ANKFN1: variants seen among roughly 807,000 people sequenced by gnomAD.
The protein encoded by ANKFN1 is ankyrin repeat and fibronectin type III domain containing 1.
In ANKFN1, 74 loss-of-function variants were observed where a neutral mutation model predicts 108.7. That is an observed-to-expected ratio of 0.68 (90% CI 0.56 to 0.83). ANKFN1 has a LOEUF of 0.83. Among genes scored for constraint, ANKFN1 ranks in the 40% least tolerant of loss-of-function variants. The pLI, the probability that ANKFN1 is intolerant of heterozygous loss-of-function variation, is 0.00. For missense variants in ANKFN1, 1,505 were observed against 1,382.3 expected, an observed-to-expected ratio of 1.09 and a Z score of -1.41; for synonymous variants, 547 against 516.2, an observed-to-expected ratio of 1.06 and a Z score of -0.81.
intron 8 of ANKFN1, among the ~76,000 whole-genome samples, chr17:56,377,219 C>G (rs1860972): frequency 0.75 from 113,914 of 152,092 alleles, 42,844 homozygotes; most frequent in East Asian, 0.96. Flanking sequence ...GGGTGTATTT[C>G]AAAGGAAATC....
intron 6 of ANKFN1, among the ~76,000 whole-genome samples, chr17:56,367,311 T>G (rs2046688493): frequency 6.6e-6 from 1 of 152,232 alleles, no homozygotes; most frequent in Admixed American, 6.5e-5. Flanking sequence ...AAGGGCAAAG[T>G]TAAGAAACTG....
At position 56,319,803 on chromosome 17, in the gene ANKFN1, C is replaced by A. The variant is rs184105337; in HGVS notation, c.54-6418C>A. Among the ~76,000 whole-genome samples the A allele has an allele frequency of 7.2e-5, 11 of 152,252 alleles. No individual in the cohort carries two copies. The East Asian group carries it at 2.1e-3, about 29-fold the overall frequency. ...ATGCTTATCAGAGCTGATCTCATTT[C>A]TCAGTTGGCCAAAGCATTTTATCAG... On this transcript the variant is annotated intron_variant, in intron 3 of 20. Coordinates refer to ENST00000682825, the MANE Select transcript of ANKFN1 (RefSeq NM_001370326.1).
At chr17:56,238,396 T>A (rs9898389) in intron 3 of ANKFN1, among the ~76,000 whole-genome samples, 5 of 152,098 alleles carry the variant, frequency 3.3e-5, no homozygotes, top group Non-Finnish European at 7.4e-5. Context: ...CCCACTATTA[T>A]TGTGTGCGAA....
intron 8 of ANKFN1, among the ~76,000 whole-genome samples, chr17:56,397,481 T>C (rs2047621460): frequency 6.6e-6 from 1 of 152,202 alleles, no homozygotes; most frequent in African/African-American, 2.4e-5. Context: ...AATGTGCATT[T>C]GGTTTAGGAA....
chr17:56,459,821 A>G (rs754841290), intron 14 of ANKFN1, among the ~76,000 whole-genome samples: 1 of 151,858 alleles, frequency 6.6e-6, no homozygotes, highest in Non-Finnish European at 1.5e-5. Flanking sequence ...CTACTCAACT[A>G]CTCCCATTAC....
In ANKFN1 at chr17:56,513,749, G is replaced by A. The variant is rs1470635007; in HGVS notation, c.*2480G>A. 6.6e-6 allele frequency among the ~76,000 whole-genome samples: 1 copy of A among 152,190 alleles called. No homozygotes were observed. Among genetic ancestry groups the A allele is most frequent in the Non-Finnish European group, 1.5e-5 (1 of 68,042 alleles). ...AAGGTTACTTTTTCATCTTCTGTGA[G>A]GAAAGAAGGCATGCCCACAAAAAGA... On this transcript the variant is annotated 3_prime_UTR_variant, in exon 21 of 21. Transcript: ENST00000682825.
chr17:56,159,047 A>AAG (rs1909379607), intron 1 of ANKFN1, among the ~76,000 whole-genome samples: 1 of 150,668 alleles, frequency 6.6e-6, no homozygotes, highest in African/African-American at 2.4e-5. Flanking sequence ...AAAAAAAAAA[A>AAG]AAAAAAAAGC....
intron 15 of ANKFN1, among the ~76,000 whole-genome samples, chr17:56,476,700 G>A (rs1298299983): frequency 1.3e-5 from 2 of 152,192 alleles, no homozygotes; most frequent in South Asian, 2.1e-4. Context: ...TCATAAGAGT[G>A]TGACTTGAAT....
Position 56,374,657 on chromosome 17 carries a change from A to G in ANKFN1, c.853A>G (p.Thr285Ala). ...CLMVTSSTSLTVSFQEPLSVN... is the reference protein window; with the variant it reads ...CLMVTSSTSLAVSFQEPLSVN... The stretch of plus-strand genomic sequence containing the variant: ...CATGGTAACCAGCAGCACATCACTC[A>G]CTGTCAGCTTCCAAGAGCCTCTTAG... Residue 285 changes from threonine to alanine, a missense_variant, in exon 8 of 21, where the codon ACT becomes GCT. Transcript: ENST00000682825. 1 of 1,613,912 alleles carries G rather than the reference A, an allele frequency of 6.2e-7. No homozygotes were observed. The highest frequency in any genetic ancestry group is 8.5e-7 in the Non-Finnish European group (1 of 1,179,854).
intron 6 of ANKFN1, among the ~76,000 whole-genome samples, chr17:56,359,867 C>T (rs2046470539): frequency 6.6e-6 from 1 of 152,148 alleles, no homozygotes; most frequent in Non-Finnish European, 1.5e-5. Context: ...CACACTTGCT[C>T]CAACAGTGCT....
intron 1 of ANKFN1, among the ~76,000 whole-genome samples, chr17:56,197,793 C>A (rs1390968703): frequency 6.6e-6 from 1 of 152,216 alleles, no homozygotes; most frequent in East Asian, 1.9e-4. Flanking sequence ...CCAGCAGTCC[C>A]CAACCTTTCT....
At chr17:56,356,583 G>C (rs1280600300) in intron 6 of ANKFN1, among the ~76,000 whole-genome samples, 1 of 152,158 alleles carries the variant, frequency 6.6e-6, no homozygotes, top group Non-Finnish European at 1.5e-5. Context: ...TGAAGATTTG[G>C]ATTCAGTAGG....
intron 8 of ANKFN1, among the ~76,000 whole-genome samples, chr17:56,376,635 G>C (rs1447684617): frequency 6.6e-6 from 1 of 152,148 alleles, no homozygotes; most frequent in African/African-American, 2.4e-5. Context: ...AGTCCAGACT[G>C]TCAGCAATTT....
Position 56,282,292 on chromosome 17 carries a change from T to TTGTG in ANKFN1, c.54-43909_54-43906dup, listed in dbSNP as rs112336440. On this transcript the variant is annotated intron_variant, in intron 3 of 20. Coordinates refer to ENST00000682825, the MANE Select transcript of ANKFN1 (RefSeq NM_001370326.1). The stretch of plus-strand genomic sequence containing the variant: ...AACAACAGGTGCCGTGTGTGTGTGT[T>TTGTG]TGTGTGTGTGTGTGTGTGTGTGTTG... Among the ~76,000 whole-genome samples the TTGTG allele has an allele frequency of 2.6e-3, 391 of 147,832 alleles. 1 individual carries two copies. The highest frequency in any genetic ancestry group is 9.2e-3 in the African/African-American group (374 of 40,482).
At chr17:56,351,916 G>A (rs1050769481) in intron 5 of ANKFN1, among the ~76,000 whole-genome samples, 1 of 152,090 alleles carries the variant, frequency 6.6e-6, no homozygotes, top group African/African-American at 2.4e-5. Flanking sequence ...GCATGCCAAA[G>A]TTTGCCAACA....
intron 4 of ANKFN1, among the ~76,000 whole-genome samples, chr17:56,103,653 C>T (rs967025931): frequency 6.6e-6 from 1 of 152,148 alleles, no homozygotes; most frequent in Admixed American, 6.5e-5. Flanking sequence ...ATTCAACCAG[C>T]ATAATCAAGA....
chr17:56,102,215 C>G (rs1314563880), intron 4 of ANKFN1, among the ~76,000 whole-genome samples: 1 of 152,176 alleles, frequency 6.6e-6, no homozygotes, highest in African/African-American at 2.4e-5. Context: ...CAGTCAAAAT[C>G]TGGAGATACT....
rs552503873 is a variant in ANKFN1, at chr17:56,334,945, G to A, written c.188+8590G>A. On this transcript the variant is annotated intron_variant, in intron 4 of 20. Coordinates refer to ENST00000682825, the MANE Select transcript of ANKFN1 (RefSeq NM_001370326.1). ...ATCCAGTTTCAGCTTTCTACATATG[G>A]CTAGCCAGTTTTTCCAGCACCATTT... Among the ~76,000 whole-genome samples, 608 of 152,216 alleles carry A rather than the reference G, an allele frequency of 4.0e-3. 7 individuals are homozygous for A. The highest frequency in any genetic ancestry group is 0.014 in the African/African-American group (592 of 41,546).
At chr17:56,500,358 CTAATT>C (rs2051329493) in intron 20 of ANKFN1, among the ~76,000 whole-genome samples, 1 of 151,762 alleles carries the variant, frequency 6.6e-6, no homozygotes, top group Non-Finnish European at 1.5e-5. Flanking sequence ...TAGGAGACAG[CTAATT>C]TACATTACCA....
Sources: gnomAD v4.1 joint callset for allele counts (sites outside exome capture counted in the v4.1 genomes callset) on GRCh38, gnomAD v4.1.1 for gene constraint, MANE v1.5 for transcripts, NCBI Gene and HGNC (gene_info 2026-07-23, HGNC 2026-07-21) for gene names.